SLC5A2: variants seen among roughly 807,000 people sequenced by gnomAD.
SLC5A2 encodes the protein sodium/glucose cotransporter 2.
In SLC5A2, 67 loss-of-function variants were observed where a neutral mutation model predicts 69.0. The observed-to-expected ratio is 0.97, with a 90% CI of 0.80 to 1.19. The LOEUF (loss-of-function observed/expected upper bound fraction) is 1.19. Among genes scored for constraint, SLC5A2 ranks in the 50% most tolerant of loss-of-function variants. The pLI is 0.00. For synonymous variants in SLC5A2, 455 were observed against 395.8 expected (o/e 1.15, Z -1.78); for missense variants, 1,001 against 921.5 (o/e 1.09, Z -1.12).
chr16:31,488,234 G>C (rs536062962), intron 8 of SLC5A2, 61 bp downstream of exon 8: 49 of 1,612,732 alleles, frequency 3.0e-5, no homozygotes, highest in Non-Finnish European at 4.2e-5. Context: ...GCCCAGTTCC[G>C]TCACCCTCCT....
chr16:31,483,992 G>A (rs1349303048), intron 1 of SLC5A2, among the ~76,000 whole-genome samples: 2 of 152,152 alleles, frequency 1.3e-5, no homozygotes, highest in South Asian at 4.1e-4. Flanking sequence ...CGGAGGCCAA[G>A]GTGGGAAGAT....
Position 31,489,147 on chromosome 16 carries a change from G to C in SLC5A2, c.1474G>C (p.Gly492Arg). Residue 492 changes from glycine to arginine, a missense_variant, in exon 12 of 14, where the codon GGC becomes CGC. Gly to Arg is a moderately radical substitution (Grantham distance 125, BLOSUM62 -2). Transcript: ENST00000330498. ...GGGCGCCTTCTGGGGACTCATCGGGGGCCTGCTGATGGGCCTGGCACGCCT... is the reference window on the plus strand; with the variant it reads ...GGGCGCCTTCTGGGGACTCATCGGGCGCCTGCTGATGGGCCTGGCACGCCT... ...EQGAFWGLIG[G>R]LLMGLARLIP... 1 of 1,609,462 alleles carries C rather than the reference G, an allele frequency of 6.2e-7. No individual in the cohort carries two copies. Among genetic ancestry groups the C allele is most frequent in the Non-Finnish European group, 8.5e-7 (1 of 1,179,982 alleles).
rs1001127045 is a variant in SLC5A2, at chr16:31,487,364, G to T, written c.619G>T (p.Val207Phe). ...LMYTDTVQTF[V>F]ILGGACILMG... ...GTACACGGACACGGTACAGACCTTCGTCATTCTGGGGGGCGCCTGCATCCT... is the reference window on the plus strand; with the variant it reads ...GTACACGGACACGGTACAGACCTTCTTCATTCTGGGGGGCGCCTGCATCCT... The change falls in exon 6 of 14, where the codon GTC becomes TTC. Residue 207 changes from valine (V) to phenylalanine (F), a missense_variant. Transcript: ENST00000330498. The T allele has an allele frequency of 6.2e-7, 1 of 1,613,810 alleles. No homozygotes were observed. The highest frequency in any genetic ancestry group is 1.3e-5 in the African/African-American group (1 of 74,914).
At position 31,488,412 on chromosome 16, in the gene SLC5A2, T is replaced by C; in HGVS notation, c.1051T>C (p.Cys351Arg). The C allele has an allele frequency of 4.3e-6, 7 of 1,611,760 alleles. No homozygotes were observed. Among genetic ancestry groups the C allele is most frequent in the Non-Finnish European group, 5.9e-6 (7 of 1,179,762 alleles). Residue 351 changes from cysteine (C) to arginine (R), a missense_variant, in exon 9 of 14, where the codon TGC becomes CGC. Physicochemically the swap from Cys to Arg is radical, Grantham distance 180. Transcript: ENST00000330498. The stretch of plus-strand genomic sequence containing the variant: ...GGTGGCGTGCGTGGTGCCTGAGGTG[T>C]GCAGGCGCGTGTGCGGCACGGAGGT... ...DEVACVVPEV[C>R]RRVCGTEVGC...
In SLC5A2 at chr16:31,490,659, G is replaced by A; in HGVS notation, c.*124G>A. On this transcript the variant is annotated 3_prime_UTR_variant, in exon 14 of 14. Transcript: ENST00000330498. The stretch of plus-strand genomic sequence containing the variant: ...GAAGGTCCTGGCTCCCCTTCTCCCG[G>A]CCTTCCTCTGCCTGGGGCCCACTGC... 1 of 1,086,456 alleles carries A rather than the reference G, an allele frequency of 9.2e-7. No individual in the cohort carries two copies. Among genetic ancestry groups the A allele is most frequent in the East Asian group, 2.5e-5 (1 of 39,442 alleles). The allele number at this position is 1,086,456 out of a possible 1,614,324, so 67.3% of individuals were successfully genotyped here.
chr16:31,485,841 G>A lies in SLC5A2; in HGVS notation c.416G>A (p.Arg139His), dbSNP rs1378076282. The A allele has an allele frequency of 8.7e-6, 14 of 1,613,436 alleles. No homozygotes were observed. Among genetic ancestry groups the A allele is most frequent in the East Asian group, 4.5e-5 (2 of 44,884 alleles). The change falls in exon 4 of 14, where the codon CGC becomes CAC. Residue 139 changes from arginine (R) to histidine (H), a missense_variant. Coordinates refer to ENST00000330498, the MANE Select transcript of SLC5A2 (RefSeq NM_003041.4). ...LRKRFGGRRI[R>H]LYLSVLSLFL... ...AAGCGCTTCGGCGGCCGCCGCATCC[G>A]CCTCTACCTGTCTGTGCTCTCCCTT...
chr16:31,486,133 C>G (rs747169447), intron 4 of SLC5A2, 37 bp from the exon 5 acceptor site: 2 of 1,510,936 alleles, frequency 1.3e-6, no homozygotes. Flanking sequence ...GGGGACACTG[C>G]CCTGGGTCCT....
In SLC5A2 at chr16:31,490,505, G is replaced by A. The variant is rs1264140553; in HGVS notation, c.1989G>A (p.Val663=). 5 of 1,613,508 alleles carry A rather than the reference G, an allele frequency of 3.1e-6. No homozygotes were observed. Among genetic ancestry groups the A allele is most frequent in the Non-Finnish European group, 4.2e-6 (5 of 1,179,824 alleles). Residue 663 remains valine (V), a synonymous_variant, in exon 14 of 14, where the codon GTG becomes GTA. Transcript: ENST00000330498. Reference sequence around the variant, plus strand: ...TCAATGCCCTGCTCATGATGGCAGTGGCCGTGTTCCTCTGGGGCTTCTATG... The same window carrying A: ...TCAATGCCCTGCTCATGATGGCAGTAGCCGTGTTCCTCTGGGGCTTCTATG... ...VNLNALLMMA[V]AVFLWGFYA is the part of the protein sequence containing the mutation.
rs772598756 is a variant in SLC5A2, at chr16:31,484,808, T to C, written c.199-11T>C. The C allele has an allele frequency of 1.9e-6, 3 of 1,612,612 alleles. No homozygotes were observed. Among genetic ancestry groups the C allele is most frequent in the Non-Finnish European group, 2.5e-6 (3 of 1,180,012 alleles). Reference sequence around the variant, plus strand: ...AAGCAGCCCTGCTCACTCCCTCCTCTGGCCACCCAGGTTGGGGCCTCTCTC... The same window carrying C: ...AAGCAGCCCTGCTCACTCCCTCCTCCGGCCACCCAGGTTGGGGCCTCTCTC... On this transcript the variant is annotated splice_polypyrimidine_tract_variant and intron_variant, in intron 2 of 13. Coordinates refer to ENST00000330498, the MANE Select transcript of SLC5A2 (RefSeq NM_003041.4).
chr16:31,488,111 T>C lies in SLC5A2; in HGVS notation c.959T>C (p.Leu320Pro). 6.2e-7 allele frequency: 1 copy of C among 1,614,074 alleles called. No individual in the cohort carries two copies. The highest frequency in any genetic ancestry group is 8.5e-7 in the Non-Finnish European group (1 of 1,179,980). Residue 320 changes from leucine (L) to proline (P), a missense_variant, in exon 8 of 14, where the codon CTG (leucine) becomes CCG (proline). By Grantham distance (98) the Leu-to-Pro change is moderately conservative. Coordinates refer to ENST00000330498, the MANE Select transcript of SLC5A2 (RefSeq NM_003041.4). ...IKAGCILCGY[L>P]KLTPMFLMVM... ...GCGGGCTGCATCCTGTGTGGGTACC[T>C]GAAGCTGACGCCCATGTTTCTCATG...
Position 31,489,048 on chromosome 16 carries a change from G to T in SLC5A2, c.1449G>T (p.Gln483His). ...TCTTCGTGCCGCGCGTTAATGAGCA[G>T]GTGAGCGGCACGCGCGTGGTGACGG... ...LALFVPRVNE[Q>H]GAFWGLIGGL... is the part of the protein sequence containing the mutation. The change falls in exon 11 of 14, where the codon CAG becomes CAT. Residue 483 changes from glutamine (Q) to histidine (H), a missense_variant and splice_region_variant. By Grantham distance (24) the Gln-to-His change is conservative. Coordinates refer to ENST00000330498, the MANE Select transcript of SLC5A2 (RefSeq NM_003041.4). 6.2e-7 allele frequency: 1 copy of T among 1,601,392 alleles called. No individual in the cohort carries two copies. Among genetic ancestry groups the T allele is most frequent in the Non-Finnish European group, 8.5e-7 (1 of 1,179,884 alleles).
Position 31,486,285 on chromosome 16 carries a change from G to C in SLC5A2, c.574+10G>C, listed in dbSNP as rs1596618287. 6.2e-7 allele frequency: 1 copy of C among 1,606,326 alleles called. No individual in the cohort carries two copies. Among genetic ancestry groups the C allele is most frequent in the Non-Finnish European group, 8.5e-7 (1 of 1,173,394 alleles). ...ATTTACACGGTGACAGGTGCCAGCA[G>C]GGGCTTAGGAAAGGGAGTGGGCCTG... On this transcript the variant is annotated intron_variant, in intron 5 of 13. Coordinates refer to ENST00000330498, the MANE Select transcript of SLC5A2 (RefSeq NM_003041.4).
chr16:31,489,440 T>A, intron 12 of SLC5A2, 102 bp downstream of exon 12: 2 of 1,065,852 alleles, frequency 1.9e-6, no homozygotes, highest in Admixed American at 4.0e-5. Flanking sequence ...CGACTGAGGG[T>A]TGGGAATGGG....
Position 31,488,724 on chromosome 16 carries a change from C to G in SLC5A2, c.1232C>G (p.Thr411Arg), listed in dbSNP as rs1008321006. 6.2e-7 allele frequency: 1 copy of G among 1,611,656 alleles called. No homozygotes were observed. The highest frequency in any genetic ancestry group is 8.5e-7 in the Non-Finnish European group (1 of 1,179,096). Residue 411 changes from threonine (T) to arginine (R), a missense_variant, in exon 10 of 14, where the codon ACG (threonine) becomes AGG (arginine). Transcript: ENST00000330498. ...ACGCTCTTCACCATGGACATCTACA[C>G]GCGCCTGCGGCCACGCGCCGGCGAC... is the stretch of plus-strand genomic sequence containing the variant. ...SSTLFTMDIY[T>R]RLRPRAGDRE... is the part of the protein sequence containing the mutation.
chr16:31,485,044 T>C, intron 3 of SLC5A2, 121 bp downstream of exon 3: 1 of 925,860 alleles, frequency 1.1e-6, no homozygotes, highest in Non-Finnish European at 1.7e-6. Flanking sequence ...AACTGCGGGG[T>C]GTGACTGGGC....
In SLC5A2 at chr16:31,485,819, C is replaced by A. The variant is rs768579234; in HGVS notation, c.394C>A (p.Arg132Ser). 3.0e-5 allele frequency: 49 copies of A among 1,613,350 alleles called. No homozygotes were observed. Among genetic ancestry groups the A allele is most frequent in the Non-Finnish European group, 4.2e-5 (49 of 1,180,026 alleles). Residue 132 changes from arginine to serine, a missense_variant, in exon 4 of 14, where the codon CGC (arginine) becomes AGC (serine). By Grantham distance (110) the Arg-to-Ser change is moderately radical. Transcript: ENST00000330498. Reference sequence around the variant, plus strand: ...CACGATGCCACAGTACCTGCGCAAGCGCTTCGGCGGCCGCCGCATCCGCCT... The same window carrying A: ...CACGATGCCACAGTACCTGCGCAAGAGCTTCGGCGGCCGCCGCATCCGCCT... The part of the protein sequence containing the change: ...VITMPQYLRK[R>S]FGGRRIRLYL...
intron 1 of SLC5A2, 45 bp downstream of exon 1, chr16:31,483,307 G>C (rs1373647694): frequency 3.1e-6 from 5 of 1,612,464 alleles, no homozygotes; most frequent in Non-Finnish European, 4.2e-6. Flanking sequence ...TGGCTTTGGG[G>C]GCCTGGGGGA....
intron 10 of SLC5A2, 45 bp downstream of exon 10, chr16:31,488,817 G>A: frequency 5.6e-6 from 9 of 1,600,634 alleles, no homozygotes; most frequent in Non-Finnish European, 7.6e-6. Flanking sequence ...AGCCCGGGGC[G>A]GGGGCTTGCG....
At position 31,490,509 on chromosome 16, in the gene SLC5A2, G is replaced by A. The variant is rs764033463; in HGVS notation, c.1993G>A (p.Val665Met). Residue 665 changes from valine to methionine, a missense_variant, in exon 14 of 14, where the codon GTG becomes ATG. By Grantham distance (21) the Val-to-Met change is conservative. Transcript: ENST00000330498. The part of the protein sequence containing the change: ...LNALLMMAVA[V>M]FLWGFYA ...TGCCCTGCTCATGATGGCAGTGGCC[G>A]TGTTCCTCTGGGGCTTCTATGCCTA... The A allele has an allele frequency of 1.2e-5, 19 of 1,613,050 alleles. No homozygotes were observed. The highest frequency in any genetic ancestry group is 5.3e-5 in the African/African-American group (4 of 74,938).
Sources: allele counts gnomAD v4.1 joint callset (sites outside exome capture counted in the v4.1 genomes callset), GRCh38; gene constraint gnomAD v4.1.1; transcripts MANE v1.5; gene names NCBI Gene and HGNC (gene_info 2026-07-23, HGNC 2026-07-21).